Variants in CDH1 observed in about 807,000 individuals in gnomAD.
The protein encoded by CDH1 is cadherin 1.
In CDH1, 35 loss-of-function variants were observed where a neutral mutation model predicts 84.5. The observed-to-expected ratio is 0.41, with a 90% CI of 0.32 to 0.55. CDH1 has a LOEUF of 0.55. CDH1 is among the 20% of genes least tolerant of loss of function. CDH1 has a pLI of 0.19. For missense variants in CDH1, 994 were observed against 1,126.6 expected (o/e 0.88, Z 1.68); for synonymous variants, 417 against 439.0 (o/e 0.95, Z 0.63).
At chr16:68,757,176 C>T (rs1354581801) in intron 2 of CDH1, among the ~76,000 whole-genome samples, 1 of 152,096 alleles carries the variant, frequency 6.6e-6, no homozygotes, top group Non-Finnish European at 1.5e-5. Context: ...GCAACCTCCA[C>T]CTCCCAGGTT....
At chr16:68,792,230 A>AG (rs1960226635) in intron 2 of CDH1, among the ~76,000 whole-genome samples, 1 of 108,350 alleles carries the variant, frequency 9.2e-6, no homozygotes, top group African/African-American at 3.9e-5. Flanking sequence ...CTAAACACTG[A>AG]CTTTTTTTTT....
At chr16:68,828,140 C>G (rs1961369829) in intron 13 of CDH1, 34 bp from the exon 14 acceptor site, 1 of 1,612,944 alleles carries the variant, frequency 6.2e-7, no homozygotes. Context: ...ATCTTTGGCT[C>G]TCAACACTTG....
At chr16:68,745,918 A>G (rs1293454806) in intron 2 of CDH1, among the ~76,000 whole-genome samples, 1 of 152,144 alleles carries the variant, frequency 6.6e-6, no homozygotes, top group Non-Finnish European at 1.5e-5. Context: ...CCTGGCTTCA[A>G]GCAATTCTCA....
chr16:68,756,615 C>T (rs987596548), intron 2 of CDH1, among the ~76,000 whole-genome samples: 2 of 152,160 alleles, frequency 1.3e-5, no homozygotes, highest in Non-Finnish European at 2.9e-5. Context: ...TCATTACCAC[C>T]TAACTCCCAG....
At chr16:68,790,848 G>T (rs181944617) in intron 2 of CDH1, among the ~76,000 whole-genome samples, 1 of 152,264 alleles carries the variant, frequency 6.6e-6, no homozygotes, top group East Asian at 1.9e-4. Flanking sequence ...AATCCAGGCA[G>T]GAATATTGAG....
chr16:68,760,086 AT>A (rs56019300), intron 2 of CDH1, among the ~76,000 whole-genome samples: 1,341 of 122,114 alleles, frequency 0.011, 15 homozygotes, highest in African/African-American at 0.028. Flanking sequence ...ATATATATAT[AT>A]TTTTTTTTTT....
intron 3 of CDH1, 68 bp downstream of exon 3, chr16:68,801,961 C>T (rs1960529708): frequency 7.7e-7 from 1 of 1,305,292 alleles, no homozygotes; most frequent in Non-Finnish European, 1.1e-6. Context: ...GTTTCTCAGC[C>T]TTGGTACCGT....
chr16:68,765,459 T>C (rs1052848016), intron 2 of CDH1: 1 of 152,310 alleles, frequency 6.6e-6, no homozygotes, highest in East Asian at 1.9e-4. Flanking sequence ...GTGCTGGGAT[T>C]ACAGGCGTGA....
chr16:68,741,023 G>C (rs1291118763), intron 2 of CDH1, among the ~76,000 whole-genome samples: 2 of 151,800 alleles, frequency 1.3e-5, no homozygotes, highest in East Asian at 1.9e-4. Context: ...GGTGTTGACA[G>C]GGTGGGACCT....
chr16:68,827,780 CA>C (rs1221275697), intron 13 of CDH1, among the ~76,000 whole-genome samples: 3 of 152,064 alleles, frequency 2.0e-5, no homozygotes, highest in Non-Finnish European at 1.5e-5. Context: ...CTCTTCCCCT[CA>C]TGCACCCTGC....
At chr16:68,742,919 G>C (rs1266552244) in intron 2 of CDH1, among the ~76,000 whole-genome samples, 1 of 152,120 alleles carries the variant, frequency 6.6e-6, no homozygotes, top group Non-Finnish European at 1.5e-5. Context: ...AGGTTGATCT[G>C]AGCTTACTGG....
intron 2 of CDH1, among the ~76,000 whole-genome samples, chr16:68,745,688 C>T (rs1962720316): frequency 6.7e-6 from 1 of 150,066 alleles, no homozygotes; most frequent in Non-Finnish European, 1.5e-5. Flanking sequence ...CTGCCAAAAA[C>T]GCTCTGTCCC....
rs1801552 is a variant in CDH1, at chr16:68,823,538, T to C, written c.2076T>C (p.Ala692=). 0.64 allele frequency: 1,034,771 copies of C among 1,613,322 alleles called. 335,159 individuals are homozygous for C. Among genetic ancestry groups the C allele is most frequent in the African/African-American group, 0.89 (66,635 of 74,940 alleles). The change falls in exon 13 of 16, where the codon GCT becomes GCC. Residue 692 remains alanine, a synonymous_variant. Transcript: ENST00000261769. ...EVSVCDCEGA[A]GVCRKAQPVE... is the part of the protein sequence containing the mutation. The stretch of plus-strand genomic sequence containing the variant: ...GCGTGTGTGACTGTGAAGGGGCCGC[T>C]GGCGTCTGTAGGAAGGCACAGCCTG...
intron 11 of CDH1, 52 bp downstream of exon 11, chr16:68,819,477 G>T (rs746402025): frequency 6.4e-7 from 1 of 1,572,802 alleles, no homozygotes; most frequent in Admixed American, 1.7e-5. Context: ...AGCTAGTTCA[G>T]TTCCTTGCCC....
chr16:68,753,440 A>T (rs895632623), intron 2 of CDH1, among the ~76,000 whole-genome samples: 4 of 145,048 alleles, frequency 2.8e-5, no homozygotes, highest in Admixed American at 2.7e-4. Context: ...TCTGCCTCCC[A>T]GGTTCAAGCG....
At chr16:68,739,398 CAG>C (rs1398593450) in intron 2 of CDH1, among the ~76,000 whole-genome samples, 1 of 151,936 alleles carries the variant, frequency 6.6e-6, no homozygotes. Flanking sequence ...ACCTGGGTGA[CAG>C]AGCAAGACTC....
At chr16:68,812,285 G>C in intron 8 of CDH1, 22 bp downstream of exon 8, 3 of 1,613,480 alleles carry the variant, frequency 1.9e-6, no homozygotes, top group Non-Finnish European at 2.5e-6. Context: ...ACTCCTTAGA[G>C]GGTTTCCAAA....
At chr16:68,819,145 C>T (rs746721457) in intron 10 of CDH1, 135 bp from the exon 11 acceptor site, 7 of 973,460 alleles carry the variant, frequency 7.2e-6, no homozygotes, top group African/African-American at 4.8e-5. Context: ...CATGAGCCAC[C>T]GCGACCGGCC....
At chr16:68,828,392 T>C (rs1961386702) in intron 14 of CDH1, 88 bp downstream of exon 14, 5 of 1,356,958 alleles carry the variant, frequency 3.7e-6, no homozygotes, top group Non-Finnish European at 5.3e-6. Flanking sequence ...TTGAAACAGC[T>C]CTGAATCACT....
Sources: allele counts gnomAD v4.1 joint callset (sites outside exome capture counted in the v4.1 genomes callset), GRCh38; gene constraint gnomAD v4.1.1; transcripts MANE v1.5; gene names NCBI Gene and HGNC (gene_info 2026-07-23, HGNC 2026-07-21).